Variants in CXCL13 observed in about 807,000 individuals in gnomAD.
CXCL13 encodes C-X-C motif chemokine ligand 13.
Under a neutral mutation model 12.2 loss-of-function variants are expected in CXCL13, and 7 were observed. The ratio of observed to expected loss-of-function variants is 0.57; its 90% CI spans 0.33 to 1.07. The LOEUF (loss-of-function observed/expected upper bound fraction) is 1.07. CXCL13 is among the 50% of genes least tolerant of loss of function. CXCL13 has a pLI of 0.04. For missense variants in CXCL13, 113 were observed against 127.4 expected (o/e 0.89, Z 0.55); for synonymous variants, 47 against 42.4 (o/e 1.11, Z -0.42).
chr4:77,527,686 A>T (rs1724801793), intron 1 of CXCL13, among the ~76,000 whole-genome samples: 2 of 152,106 alleles, frequency 1.3e-5, no homozygotes, highest in Non-Finnish European at 2.9e-5. Flanking sequence ...AATGAATGAC[A>T]TTCAAGTGAA....
At chr4:77,534,762 G>T (rs1433174231) in intron 1 of CXCL13, among the ~76,000 whole-genome samples, 1 of 152,154 alleles carries the variant, frequency 6.6e-6, no homozygotes, top group Non-Finnish European at 1.5e-5. Flanking sequence ...CTCATCTCCT[G>T]CCTTCACACC....
At chr4:77,524,133 G>A (rs1370422291) in intron 1 of CXCL13, among the ~76,000 whole-genome samples, 2 of 152,146 alleles carry the variant, frequency 1.3e-5, no homozygotes, top group Non-Finnish European at 2.9e-5. Context: ...GCCTATATGA[G>A]GTGTCAGTTG....
chr4:77,519,040 A>T (rs756626687), intron 1 of CXCL13, among the ~76,000 whole-genome samples: 1 of 152,060 alleles, frequency 6.6e-6, no homozygotes, highest in Non-Finnish European at 1.5e-5. Context: ...AGTCTGTTGG[A>T]GTTTGCTAGA....
intron 1 of CXCL13, among the ~76,000 whole-genome samples, chr4:77,517,791 C>A (rs925337111): frequency 1.3e-5 from 2 of 152,146 alleles, no homozygotes; most frequent in Admixed American, 1.3e-4. Context: ...TTAATTGGAG[C>A]ATTGAGTCCA....
intron 1 of CXCL13, among the ~76,000 whole-genome samples, chr4:77,518,008 G>C (rs1389342059): frequency 2.7e-5 from 4 of 150,790 alleles, no homozygotes; most frequent in African/African-American, 9.8e-5. Context: ...GCCTGGTGGT[G>C]ACATTTGCTT....
chr4:77,589,839 G>C (rs1726566322), intron 1 of CXCL13, among the ~76,000 whole-genome samples: 2 of 152,212 alleles, frequency 1.3e-5, no homozygotes, highest in Admixed American at 1.3e-4. Context: ...CAATTAGACA[G>C]AGGAAATTAG....
At chr4:77,542,421 G>A (rs899337040) in intron 1 of CXCL13, among the ~76,000 whole-genome samples, 10 of 152,032 alleles carry the variant, frequency 6.6e-5, no homozygotes. Flanking sequence ...ACTCTGAAGG[G>A]ATTTTTGGTC....
Position 77,577,077 on chromosome 4 carries a change from G to C in CXCL13, c.-42-28747G>C, listed in dbSNP as rs144475285. ...CTTTTATGGGTAATGTAAAAATCTG[G>C]ATCAATATTCTAATTCTGAGCAATT... On this transcript the variant is annotated intron_variant, in intron 1 of 4. Coordinates refer to the CXCL13 transcript ENST00000286758. Among the ~76,000 whole-genome samples, 182 of 152,246 alleles carry C rather than the reference G, an allele frequency of 1.2e-3. 4 individuals are homozygous for C. The East Asian group carries it at 0.026, about 22-fold the overall frequency.
At chr4:77,560,909 T>C (rs994630095) in intron 1 of CXCL13, among the ~76,000 whole-genome samples, 4 of 152,206 alleles carry the variant, frequency 2.6e-5, no homozygotes, top group Non-Finnish European at 5.9e-5. Flanking sequence ...AGGTTTCCCA[T>C]GATGCTGAAA....
chr4:77,597,024 C>A (rs1264062314), intron 1 of CXCL13, among the ~76,000 whole-genome samples: 1 of 152,036 alleles, frequency 6.6e-6, no homozygotes, highest in African/African-American at 2.4e-5. Flanking sequence ...ACGAATGAAC[C>A]TGGAGGACAT....
intron 1 of CXCL13, among the ~76,000 whole-genome samples, chr4:77,515,539 A>G (rs1171008024): frequency 2.6e-5 from 4 of 152,118 alleles, no homozygotes. Context: ...TATAAGGTGG[A>G]TTCCTAGGTA....
intron 1 of CXCL13, among the ~76,000 whole-genome samples, chr4:77,553,798 C>A (rs1017177117): frequency 6.6e-6 from 1 of 152,138 alleles, no homozygotes; most frequent in Non-Finnish European, 1.5e-5. Context: ...AGCCTCTAAT[C>A]CACCATCTTG....
intron 1 of CXCL13, among the ~76,000 whole-genome samples, chr4:77,583,681 A>C (rs1414310805): frequency 6.6e-6 from 1 of 152,140 alleles, no homozygotes; most frequent in African/African-American, 2.4e-5. Flanking sequence ...TCACTTCACC[A>C]ATGAAACAGC....
At chr4:77,603,332 A>G (rs1726932739), upstream of CXCL13, among the ~76,000 whole-genome samples, 1 of 152,254 alleles carries the variant, frequency 6.6e-6, no homozygotes, top group Non-Finnish European at 1.5e-5. Context: ...AGTGACTAGA[A>G]TAATGTTATT....
intron 1 of CXCL13, among the ~76,000 whole-genome samples, chr4:77,544,395 C>T (rs960694470): frequency 3.0e-4 from 45 of 152,312 alleles, no homozygotes; most frequent in African/African-American, 9.9e-4. Context: ...TCTCCACATC[C>T]TCTCCAGCAC....
chr4:77,514,686 A>G (rs1241699850), intron 1 of CXCL13, among the ~76,000 whole-genome samples: 24 of 151,270 alleles, frequency 1.6e-4, no homozygotes, highest in South Asian at 8.4e-4. Context: ...GTTTGAGTTC[A>G]TTGTAGATTC....
chr4:77,535,487 T>C (rs879328138), intron 1 of CXCL13, among the ~76,000 whole-genome samples: 13 of 152,176 alleles, frequency 8.5e-5, no homozygotes, highest in Admixed American at 3.9e-4. Flanking sequence ...ACTTTGACAT[T>C]CTTACCATGA....
intron 1 of CXCL13, among the ~76,000 whole-genome samples, chr4:77,548,429 G>A (rs1725428711): frequency 6.6e-6 from 1 of 152,196 alleles, no homozygotes; most frequent in South Asian, 2.1e-4. Context: ...TATGACACCA[G>A]AACTTCCCTG....
At chr4:77,544,823 T>G (rs1180673910) in intron 1 of CXCL13, among the ~76,000 whole-genome samples, 4 of 152,228 alleles carry the variant, frequency 2.6e-5, no homozygotes, top group Non-Finnish European at 5.9e-5. Context: ...TCCTTGTCCA[T>G]GCCTATGTCC....
Sources: gnomAD v4.1 joint callset for allele counts (sites outside exome capture counted in the v4.1 genomes callset) on GRCh38, gnomAD v4.1.1 for gene constraint, MANE v1.5 for transcripts, NCBI Gene and HGNC (gene_info 2026-07-23, HGNC 2026-07-21) for gene names.